PRKAG2: variants seen among roughly 807,000 people sequenced by gnomAD.
PRKAG2 encodes the protein protein kinase AMP-activated non-catalytic subunit gamma 2.
PRKAG2 carries 26 observed loss-of-function variants against 69.6 expected under a neutral mutation model. The observed-to-expected ratio is 0.37, with a 90% confidence interval of 0.27 to 0.52. The LOEUF is 0.52. Among genes scored for constraint, PRKAG2 ranks in the 20% least tolerant of loss-of-function variants. The probability of loss-of-function intolerance (pLI) is 0.90; values close to 1 mark genes in which losing one functional copy is unlikely to be tolerated. For missense variants in PRKAG2, 557 were observed against 740.0 expected, an observed-to-expected ratio of 0.75 and a Z score of 2.87; for synonymous variants, 293 against 285.0, an observed-to-expected ratio of 1.03 and a Z score of -0.28.
chr7:151,719,195 G>A lies in PRKAG2; in HGVS notation c.467-43558C>T, dbSNP rs1314729855. On this transcript the variant is annotated intron_variant, in intron 3 of 15. Transcript: ENST00000287878. The surrounding 1 kb of genome is among the most constrained non-coding windows in gnomAD (Gnocchi z 5.2). ...GAAGCAGTGGAAGTGCAGACAGAAA[G>A]CCCCATGGCAGAAGGGAGAGAGGTC... Among the ~76,000 whole-genome samples, 2 of 152,146 alleles carry A rather than the reference G, an allele frequency of 1.3e-5. No individual in the cohort carries two copies. The highest frequency in any genetic ancestry group is 4.8e-5 in the African/African-American group (2 of 41,440).
intron 3 of PRKAG2, among the ~76,000 whole-genome samples, chr7:151,714,210 G>T (rs1034433576): frequency 6.6e-6 from 1 of 152,166 alleles, no homozygotes; most frequent in South Asian, 2.1e-4. Context: ...CAGAGTCAGC[G>T]CTCATTAAAC....
chr7:151,829,503 C>T (rs554707271), intron 1 of PRKAG2, among the ~76,000 whole-genome samples: 1 of 152,084 alleles, frequency 6.6e-6, no homozygotes, highest in South Asian at 2.1e-4. Flanking sequence ...CAATATGACC[C>T]AGCAACTCCA....
chr7:151,837,390 G>A (rs1474172994), intron 1 of PRKAG2: 1 of 152,880 alleles, frequency 6.5e-6, no homozygotes, highest in African/African-American at 2.4e-5. Flanking sequence ...GGTGGAAGAA[G>A]AGGGAGAGAA....
chr7:151,804,012 AC>A (rs1220300112), intron 1 of PRKAG2, among the ~76,000 whole-genome samples: 3 of 152,072 alleles, frequency 2.0e-5, no homozygotes, highest in African/African-American at 7.2e-5. Context: ...GAAGAGTCAT[AC>A]CCTTGGCCCA....
intron 3 of PRKAG2, among the ~76,000 whole-genome samples, chr7:151,708,330 C>G (rs755834587): frequency 1.3e-5 from 2 of 152,232 alleles, no homozygotes; most frequent in Admixed American, 6.5e-5. Flanking sequence ...TGGTGTCAGG[C>G]CTTGCCCTCA....
At chr7:151,851,900 G>GC (rs1270848987) in intron 1 of PRKAG2, among the ~76,000 whole-genome samples, 2 of 152,146 alleles carry the variant, frequency 1.3e-5, no homozygotes, top group Non-Finnish European at 2.9e-5. Flanking sequence ...AGGAGAGGGA[G>GC]CCGGGGCTTC....
intron 5 of PRKAG2, among the ~76,000 whole-genome samples, chr7:151,615,788 C>A (rs969315975): frequency 6.6e-6 from 1 of 152,180 alleles, no homozygotes; most frequent in African/African-American, 2.4e-5. Context: ...AGAAGACATA[C>A]ACATGGCTAA....
intron 3 of PRKAG2, among the ~76,000 whole-genome samples, chr7:151,698,029 G>A (rs1276633769): frequency 6.6e-6 from 1 of 152,188 alleles, no homozygotes; most frequent in Admixed American, 6.5e-5. Flanking sequence ...TGGGAAGCAG[G>A]CACTGTTGAT....
intron 1 of PRKAG2, among the ~76,000 whole-genome samples, chr7:151,867,304 A>C (rs1164135232): frequency 6.6e-6 from 1 of 152,232 alleles, no homozygotes; most frequent in African/African-American, 2.4e-5. Flanking sequence ...GCTTTAAAAC[A>C]GAATGGATTC....
Position 151,670,139 on chromosome 7 carries a change from CCTG to C in PRKAG2, c.684+5278_684+5280del, listed in dbSNP as rs1177550935. ...GCACACACACTTGCATGCACACACACCTGTGCACACACCTGCATGCATGCCCAC... is the reference window on the plus strand; with the variant it reads ...GCACACACACTTGCATGCACACACACTGCACACACCTGCATGCATGCCCAC... On this transcript the variant is annotated intron_variant, in intron 4 of 15. Coordinates refer to ENST00000287878, the MANE Select transcript of PRKAG2 (RefSeq NM_016203.4). Among the ~76,000 whole-genome samples, 7 of 152,078 alleles carry C rather than the reference CCTG, an allele frequency of 4.6e-5. No homozygotes were observed. The East Asian group carries it at 1.4e-3, about 29-fold the overall frequency.
At chr7:151,558,075 G>C (rs1361802966) in intron 15 of PRKAG2, 1 of 985,070 alleles carries the variant, frequency 1.0e-6, no homozygotes, top group Non-Finnish European at 1.2e-6. Context: ...CTATTAGAGC[G>C]TGTGGCTGAA....
rs540070795 is a variant in PRKAG2, at chr7:151,718,269, G to C, written c.467-42632C>G. 1.7e-3 allele frequency among the ~76,000 whole-genome samples: 226 copies of C among 135,122 alleles called. 3 individuals are homozygous for C. The highest frequency in any genetic ancestry group is 6.3e-3 in the African/African-American group (218 of 34,664). The allele number at this position is 135,122 out of a possible 152,430, so 88.6% of individuals were successfully genotyped here. A position where few individuals can be genotyped will look rare whatever the true frequency, so the allele number is the denominator to read the frequency against. Reference sequence around the variant, plus strand: ...TTGCAGACAGCCGCCTTCCCATGGTGGTGGGTGGAGGGGGGGGTAGAGCTC... The same window carrying C: ...TTGCAGACAGCCGCCTTCCCATGGTCGTGGGTGGAGGGGGGGGTAGAGCTC... On this transcript the variant is annotated intron_variant, in intron 3 of 15. Coordinates refer to ENST00000287878, the MANE Select transcript of PRKAG2 (RefSeq NM_016203.4).
At position 151,727,222 on chromosome 7, in the gene PRKAG2, AAAAACAAAAAAC is replaced by A. The variant is rs553659819; in HGVS notation, c.467-51597_467-51586del. On this transcript the variant is annotated intron_variant, in intron 3 of 15. Coordinates refer to ENST00000287878, the MANE Select transcript of PRKAG2 (RefSeq NM_016203.4). ...GAGAGCAAAACTCAGTCTCAAAAAAAAAAACAAAAAACAAAACAAAACCGATACTCAATGGTA... is the reference window on the plus strand; with the variant it reads ...GAGAGCAAAACTCAGTCTCAAAAAAAAAAACAAAACCGATACTCAATGGTA... Among the ~76,000 whole-genome samples the A allele has an allele frequency of 2.5e-3, 388 of 152,190 alleles. 3 individuals carry two copies. The Middle Eastern group carries it at 0.034, about 13-fold the overall frequency.
rs145898373 is a variant in PRKAG2 at position 151,731,453 on chromosome 7, C to T, written c.466+49699G>A. 3.6e-3 allele frequency among the ~76,000 whole-genome samples: 556 copies of T among 152,334 alleles called. 3 individuals are homozygous for T. The highest frequency in any genetic ancestry group is 0.034 in the Middle Eastern group (10 of 294). ...GCTTTCCAGTGGAAATGCCATCCAC[C>T]GCAATTACGAATGGACCTGGTGATT... is the stretch of plus-strand genomic sequence containing the variant. On this transcript the variant is annotated intron_variant, in intron 3 of 15. Transcript: ENST00000287878.
At chr7:151,634,518 C>G (rs1038725973) in intron 4 of PRKAG2, among the ~76,000 whole-genome samples, 2 of 152,106 alleles carry the variant, frequency 1.3e-5, no homozygotes, top group African/African-American at 4.8e-5. Flanking sequence ...AAAAGAAAAG[C>G]TACACAGTAG....
At chr7:151,750,542 A>C (rs528493846) in intron 3 of PRKAG2, among the ~76,000 whole-genome samples, 1 of 152,234 alleles carries the variant, frequency 6.6e-6, no homozygotes, top group African/African-American at 2.4e-5. Context: ...TGAGATATGC[A>C]GAATAGGCAA....
At chr7:151,569,634 T>C (rs1187215921) in intron 10 of PRKAG2, among the ~76,000 whole-genome samples, 1 of 152,264 alleles carries the variant, frequency 6.6e-6, no homozygotes, top group Non-Finnish European at 1.5e-5. Context: ...ATTTTAATCT[T>C]TCTCTGTACT....
chr7:151,664,317 G>C (rs900853823), intron 4 of PRKAG2, among the ~76,000 whole-genome samples: 80 of 152,190 alleles, frequency 5.3e-4, no homozygotes, highest in Non-Finnish European at 2.6e-4. Context: ...AACCCTGTGA[G>C]ATAAATCCGA....
In PRKAG2 at chr7:151,703,510, A is replaced by G. The variant is rs553757997; in HGVS notation, c.467-27873T>C. 3.2e-5 allele frequency among the ~76,000 whole-genome samples: 4 copies of G among 123,808 alleles called. No individual in the cohort carries two copies. The East Asian group carries it at 7.0e-4, about 22-fold the overall frequency. 81.2% of individuals were successfully genotyped at this position (123,808 alleles called of 152,430 possible). On this transcript the variant is annotated intron_variant, in intron 3 of 15. Coordinates refer to ENST00000287878, the MANE Select transcript of PRKAG2 (RefSeq NM_016203.4). ...CATCTGGCCACTTGGGCTTTAAAAA[A>G]TGTTTTATGGAGCATAATATAGAAA...
Sources: gnomAD v4.1 joint callset for allele counts (sites outside exome capture counted in the v4.1 genomes callset) on GRCh38, gnomAD v4.1.1 for gene constraint, Gnocchi (gnomAD v3.1) non-coding constraint, MANE v1.5 for transcripts, NCBI Gene and HGNC (gene_info 2026-07-23, HGNC 2026-07-21) for gene names.